AGO1: variants seen among roughly 807,000 people sequenced by gnomAD.
AGO1 encodes the protein protein argonaute-1.
A neutral mutation model predicts 109.2 loss-of-function variants in AGO1; 11 were observed. That is an observed-to-expected ratio of 0.10 (90% CI 0.06 to 0.17). The LOEUF (loss-of-function observed/expected upper bound fraction) is 0.17, where lower values mean the gene tolerates loss of function less well. Among genes scored for constraint, AGO1 ranks in the 10% least tolerant of loss-of-function variants. The pLI is 1.00. For synonymous variants in AGO1, 422 were observed against 418.6 expected (o/e 1.01, Z -0.10); for missense variants, 574 against 1,140.3 (o/e 0.50, Z 7.15).
chr1:35,880,955 C>T (rs183991460), upstream of AGO1, among the ~76,000 whole-genome samples: 478 of 152,234 alleles, frequency 3.1e-3, no homozygotes, highest in Non-Finnish European at 4.4e-3. Context: ...CCACTGTGCC[C>T]GGCCACTGAA....
Position 35,919,542 on chromosome 1 carries a change from C to G in AGO1, c.2509C>G (p.Pro837Ala). 6.2e-7 allele frequency: 1 copy of G among 1,614,166 alleles called. No homozygotes were observed. The highest frequency in any genetic ancestry group is 8.5e-7 in the Non-Finnish European group (1 of 1,180,030). Reference protein sequence around the residue: ...HISGQSNGRDPQALAKAVQVH... With the variant: ...HISGQSNGRDAQALAKAVQVH... ...ATCGGGGCAGAGCAATGGGCGGGAC[C>G]CCCAGGCCCTGGCCAAAGCCGTGCA... The change falls in exon 19 of 19, where the codon CCC (proline) becomes GCC (alanine). Residue 837 changes from proline to alanine, a missense_variant. Pro to Ala is a conservative substitution (Grantham distance 27, BLOSUM62 -1). Coordinates refer to ENST00000373204, the MANE Select transcript of AGO1 (RefSeq NM_012199.5). This position sits in a 1 kb window ranked among gnomAD's most constrained non-coding sequence, Gnocchi z 6.6.
intron 8 of AGO1, among the ~76,000 whole-genome samples, chr1:35,899,275 T>C (rs1645374704): frequency 1.3e-5 from 2 of 152,242 alleles, no homozygotes; most frequent in Admixed American, 1.3e-4. Context: ...CATGTTTTGT[T>C]TATTCATTCA....
chr1:35,888,779 C>T lies in AGO1; in HGVS notation c.209+169C>T, dbSNP rs772126485. Among the ~76,000 whole-genome samples the T allele has an allele frequency of 1.3e-5, 2 of 152,156 alleles. No homozygotes were observed. Among genetic ancestry groups the T allele is most frequent in the African/African-American group, 2.4e-5 (1 of 41,432 alleles). On this transcript the variant is annotated intron_variant, in intron 2 of 18. Transcript: ENST00000373204. The surrounding 1 kb of genome is among the most constrained non-coding windows in gnomAD (Gnocchi z 4.1). ...GCTGAAAAATAGTCCAATTGGACTT[C>T]GCTATTGGAAGATTATTAGTGGCTT...
At chr1:35,905,288 T>G (rs1052967572) in intron 11 of AGO1, among the ~76,000 whole-genome samples, 1 of 152,248 alleles carries the variant, frequency 6.6e-6, no homozygotes, top group Non-Finnish European at 1.5e-5. Flanking sequence ...GCCCTAGCTG[T>G]TATTTACATG....
intron 17 of AGO1, 21 bp downstream of exon 17, chr1:35,918,444 G>A: frequency 6.4e-7 from 1 of 1,559,064 alleles, no homozygotes; most frequent in Non-Finnish European, 8.9e-7. Flanking sequence ...TTTATCTTGT[G>A]GTTCCAATGG....
In AGO1 at chr1:35,906,819, A is replaced by G. The variant is rs561975502; in HGVS notation, c.1398-116A>G. 6.5e-6 allele frequency: 6 copies of G among 928,066 alleles called. No individual in the cohort carries two copies. The Admixed American group carries it at 1.7e-4, about 26-fold the overall frequency. 57.5% of individuals were successfully genotyped at this position (928,066 alleles called of 1,614,324 possible). On this transcript the variant is annotated intron_variant, in intron 11 of 18. Transcript: ENST00000373204. Reference sequence around the variant, plus strand: ...CACCCTGTCTCAAGGAAAAAAAAAAAAAAAAACCAATCTCTCAGTGCCTCT... The same window carrying G: ...CACCCTGTCTCAAGGAAAAAAAAAAGAAAAAACCAATCTCTCAGTGCCTCT...
chr1:35,905,802 G>A (rs1360716775), intron 11 of AGO1, among the ~76,000 whole-genome samples: 2 of 152,082 alleles, frequency 1.3e-5, no homozygotes, highest in Admixed American at 1.3e-4. Flanking sequence ...CCACTGTTAT[G>A]AATTATTGTA....
intron 16 of AGO1, 100 bp downstream of exon 16, chr1:35,917,827 CT>C (rs1318045405): frequency 3.3e-6 from 5 of 1,499,004 alleles, no homozygotes; most frequent in Non-Finnish European, 3.6e-6. Flanking sequence ...AGTCCTTGTC[CT>C]ATCTATCCTC....
At chr1:35,912,239 G>A (rs1645646896) in intron 12 of AGO1, among the ~76,000 whole-genome samples, 1 of 151,694 alleles carries the variant, frequency 6.6e-6, no homozygotes, top group Non-Finnish European at 1.5e-5. Flanking sequence ...GGCACCTGTA[G>A]TCCCAGCTAC....
Position 35,914,223 on chromosome 1 carries a change from A to G in AGO1, c.1782A>G (p.Ala594=), listed in dbSNP as rs1557621093. The change falls in exon 14 of 19, where the codon GCA becomes GCG. Residue 594 remains alanine, a synonymous_variant. Transcript: ENST00000373204. ...AACAGCCAGTGATATTCCTGGGAGCAGATGTTACACACCCCCCAGCAGGGG... is the reference window on the plus strand; with the variant it reads ...AACAGCCAGTGATATTCCTGGGAGCGGATGTTACACACCCCCCAGCAGGGG... ...VFQQPVIFLG[A]DVTHPPAGDG... is the part of the protein sequence containing the mutation. 7 of 1,614,204 alleles carry G rather than the reference A, an allele frequency of 4.3e-6. No individual in the cohort carries two copies. The highest frequency in any genetic ancestry group is 5.1e-6 in the Non-Finnish European group (6 of 1,180,034).
At chr1:35,917,888 C>A (rs1252663029) in intron 16 of AGO1, among the ~76,000 whole-genome samples, 161 bp downstream of exon 16, 1 of 151,990 alleles carries the variant, frequency 6.6e-6, no homozygotes, top group Non-Finnish European at 1.5e-5. Flanking sequence ...TCTGCCACCG[C>A]CTTCACTAGT....
intron 1 of AGO1, among the ~76,000 whole-genome samples, chr1:35,887,442 G>C (rs558032268): frequency 4.6e-5 from 7 of 152,268 alleles, no homozygotes; most frequent in Admixed American, 2.0e-4. Context: ...ACTGGCAAAA[G>C]AGGGTAAAGT....
At position 35,897,848 on chromosome 1, in the gene AGO1, A is replaced by G. The variant is rs565457113; in HGVS notation, c.1020+2579A>G. ...GAATTGTACAACAGCCATCACCACTATCTGATTCCAGAACATATCACTCCT... is the reference window on the plus strand; with the variant it reads ...GAATTGTACAACAGCCATCACCACTGTCTGATTCCAGAACATATCACTCCT... On this transcript the variant is annotated intron_variant, in intron 8 of 18. Coordinates refer to ENST00000373204, the MANE Select transcript of AGO1 (RefSeq NM_012199.5). Among the ~76,000 whole-genome samples the G allele has an allele frequency of 2.2e-4, 34 of 152,356 alleles. No individual in the cohort carries two copies. The South Asian group carries it at 6.8e-3, about 31-fold the overall frequency.
intron 1 of AGO1, among the ~76,000 whole-genome samples, chr1:35,884,878 A>G (rs1364767167): frequency 7.2e-5 from 11 of 152,200 alleles, no homozygotes; most frequent in Non-Finnish European, 1.2e-4. Flanking sequence ...CCTTCAGGTC[A>G]TCTCTCACCA....
At chr1:35,907,390 C>T (rs1049987253) in intron 12 of AGO1, among the ~76,000 whole-genome samples, 1 of 152,026 alleles carries the variant, frequency 6.6e-6, no homozygotes, top group South Asian at 2.1e-4. Flanking sequence ...GGTACAGAGA[C>T]GGGTTGGTCT....
chr1:35,893,729 C>T lies in AGO1; in HGVS notation c.568C>T (p.Leu190=). ...ACCGCCTGAGGGCTACTACCACCCG[C>T]TGGGGGGTGGGCGCGAGGTCTGGTT... ...FSPPEGYYHP[L]GGGREVWFGF... Residue 190 remains leucine (L), a synonymous_variant, in exon 5 of 19, where the codon CTG becomes TTG. Coordinates refer to ENST00000373204, the MANE Select transcript of AGO1 (RefSeq NM_012199.5). The surrounding 1 kb of genome is among the most constrained non-coding windows in gnomAD (Gnocchi z 5.6). 6.2e-7 allele frequency: 1 copy of T among 1,614,002 alleles called. No individual in the cohort carries two copies. The highest frequency in any genetic ancestry group is 8.5e-7 in the Non-Finnish European group (1 of 1,179,920).
At chr1:35,895,381 T>A (rs1645299671) in intron 8 of AGO1, 112 bp downstream of exon 8, 2 of 1,225,098 alleles carry the variant, frequency 1.6e-6, no homozygotes, top group Non-Finnish European at 1.1e-6. Flanking sequence ...TCTGAGAAGG[T>A]ATGAGGTAGT....
At chr1:35,870,501 T>C (rs920235985) in intron 1 of AGO1, among the ~76,000 whole-genome samples, 4 of 152,066 alleles carry the variant, frequency 2.6e-5, no homozygotes, top group South Asian at 2.1e-4. Flanking sequence ...GCCAGGATGG[T>C]CTCGATCTCT....
chr1:35,881,180 T>C (rs1423488171), upstream of AGO1, among the ~76,000 whole-genome samples: 1 of 152,218 alleles, frequency 6.6e-6, no homozygotes, highest in African/African-American at 2.4e-5. Flanking sequence ...TGTAAAGCAG[T>C]AATTCTCATA....
Sources: gnomAD v4.1 joint callset for allele counts (sites outside exome capture counted in the v4.1 genomes callset) on GRCh38, gnomAD v4.1.1 for gene constraint, Gnocchi (gnomAD v3.1) non-coding constraint, MANE v1.5 for transcripts, NCBI Gene and HGNC (gene_info 2026-07-23, HGNC 2026-07-21) for gene names.